The following SLC35F1 variants were observed in gnomAD, a reference collection of about 807,000 sequenced individuals.
The protein encoded by SLC35F1 is solute carrier family 35 member F1.
SLC35F1 carries 14 observed loss-of-function variants against 48.7 expected under a neutral mutation model. That is an observed-to-expected ratio of 0.29 (90% CI 0.19 to 0.45). SLC35F1 has a LOEUF of 0.45. Among genes scored for constraint, SLC35F1 ranks in the 20% least tolerant of loss-of-function variants. SLC35F1 has a pLI of 1.00. For synonymous variants in SLC35F1, 190 were observed against 202.2 expected (o/e 0.94, Z 0.51); for missense variants, 404 against 500.0 (o/e 0.81, Z 1.83).
chr6:117,966,731 C>A (rs1776575948), intron 1 of SLC35F1, among the ~76,000 whole-genome samples: 1 of 152,184 alleles, frequency 6.6e-6, no homozygotes, highest in African/African-American at 2.4e-5. Flanking sequence ...ATGGTCTTGT[C>A]TCTGTTTCCT....
At chr6:118,162,679 C>G (rs1774254692) in intron 2 of SLC35F1, among the ~76,000 whole-genome samples, 1 of 152,178 alleles carries the variant, frequency 6.6e-6, no homozygotes, top group Non-Finnish European at 1.5e-5. Context: ...TTAGGACATG[C>G]TGGTAAAACT....
At chr6:118,194,673 T>C (rs1774776849) in intron 2 of SLC35F1, among the ~76,000 whole-genome samples, 1 of 152,194 alleles carries the variant, frequency 6.6e-6, no homozygotes, top group Non-Finnish European at 1.5e-5. Flanking sequence ...GAATCCTTTT[T>C]CACATTAATC....
chr6:117,943,848 GT>G (rs1776262614), intron 1 of SLC35F1, among the ~76,000 whole-genome samples: 1 of 152,102 alleles, frequency 6.6e-6, no homozygotes, highest in Non-Finnish European at 1.5e-5. Context: ...GGCTTTAGTT[GT>G]TTTTCTTTTG....
chr6:118,108,829 A>G (rs1226542894), intron 1 of SLC35F1, among the ~76,000 whole-genome samples: 2 of 152,178 alleles, frequency 1.3e-5, no homozygotes, highest in Admixed American at 1.3e-4. Flanking sequence ...TGTTACAGTG[A>G]CATTTTATGG....
At chr6:118,048,778 G>T (rs1772338953) in intron 1 of SLC35F1, among the ~76,000 whole-genome samples, 1 of 152,148 alleles carries the variant, frequency 6.6e-6, no homozygotes, top group African/African-American at 2.4e-5. Flanking sequence ...CGTGAAAATG[G>T]CCATACTGCC....
chr6:118,159,220 C>CA (rs60060945), intron 2 of SLC35F1, among the ~76,000 whole-genome samples: 18,383 of 43,918 alleles, frequency 0.42, 6,234 homozygotes, highest in East Asian at 0.75. Context: ...GACTCTGTCT[C>CA]AAAAAAAAAA....
chr6:117,910,527 A>G (rs1034782289), intron 1 of SLC35F1, among the ~76,000 whole-genome samples: 21 of 152,220 alleles, frequency 1.4e-4, no homozygotes, highest in African/African-American at 4.8e-4. Flanking sequence ...GCATGCAGCA[A>G]CTTAGCTCCT....
chr6:118,049,808 G>C (rs553171932), intron 1 of SLC35F1, among the ~76,000 whole-genome samples: 1 of 151,774 alleles, frequency 6.6e-6, no homozygotes, highest in African/African-American at 2.4e-5. Context: ...TCAGTGTGGC[G>C]ATTCCTCAGG....
Position 117,939,069 on chromosome 6 carries a change from G to A in SLC35F1, c.173+31170G>A, listed in dbSNP as rs147708231. 1.8e-3 allele frequency among the ~76,000 whole-genome samples: 266 copies of A among 148,138 alleles called. 1 individual carries two copies. The highest frequency in any genetic ancestry group is 6.2e-3 in the African/African-American group (251 of 40,352). Reference sequence around the variant, plus strand: ...TATGTCACCCAGGCTGGCATGCAGTGGCGTGATCATGGCTCAAAATCTTGA... The same window carrying A: ...TATGTCACCCAGGCTGGCATGCAGTAGCGTGATCATGGCTCAAAATCTTGA... On this transcript the variant is annotated intron_variant, in intron 1 of 7. Transcript: ENST00000360388.
At chr6:117,908,554 C>G (rs1283705087) in intron 1 of SLC35F1, among the ~76,000 whole-genome samples, 1 of 152,220 alleles carries the variant, frequency 6.6e-6, no homozygotes, top group African/African-American at 2.4e-5. Flanking sequence ...CCGGCGGCGC[C>G]CAGTTATTCC....
chr6:117,916,703 T>A (rs1775830480), intron 1 of SLC35F1, among the ~76,000 whole-genome samples: 1 of 152,104 alleles, frequency 6.6e-6, no homozygotes, highest in African/African-American at 2.4e-5. Context: ...GGGCAGTAAG[T>A]GGGGAGTAAG....
intron 7 of SLC35F1, among the ~76,000 whole-genome samples, chr6:118,302,495 T>A (rs1776265282): frequency 6.6e-6 from 1 of 152,172 alleles, no homozygotes; most frequent in African/African-American, 2.4e-5. Flanking sequence ...GTTACAGGTC[T>A]TTTTACAGCT....
chr6:117,908,069 C>G (rs1775716584), intron 1 of SLC35F1, among the ~76,000 whole-genome samples, 170 bp downstream of exon 1: 1 of 152,216 alleles, frequency 6.6e-6, no homozygotes, highest in Non-Finnish European at 1.5e-5. Context: ...GAGGCCGCGG[C>G]AGCTTTGTCC....
At chr6:117,932,407 G>A (rs541737958) in intron 1 of SLC35F1, among the ~76,000 whole-genome samples, 2 of 152,278 alleles carry the variant, frequency 1.3e-5, no homozygotes, top group East Asian at 3.9e-4. Context: ...AAGTAGTAGA[G>A]CTGAGAGTTG....
chr6:118,245,872 A>G (rs115443926), intron 3 of SLC35F1, among the ~76,000 whole-genome samples: 170 of 152,202 alleles, frequency 1.1e-3, no homozygotes, highest in African/African-American at 4.0e-3. Flanking sequence ...CAAACTATCT[A>G]GCATTCTCTC....
chr6:118,054,913 A>T (rs1242478567), intron 1 of SLC35F1, among the ~76,000 whole-genome samples: 1 of 152,050 alleles, frequency 6.6e-6, no homozygotes, highest in Non-Finnish European at 1.5e-5. Context: ...AGTAGCTAGG[A>T]TTACAGGCAT....
At chr6:118,128,454 A>T (rs1773661455) in intron 1 of SLC35F1, among the ~76,000 whole-genome samples, 1 of 151,290 alleles carries the variant, frequency 6.6e-6, no homozygotes, top group African/African-American at 2.4e-5. Flanking sequence ...AATGTGACAC[A>T]TATACACCAT....
chr6:118,159,615 G>A (rs922019031), intron 2 of SLC35F1, among the ~76,000 whole-genome samples: 1 of 152,140 alleles, frequency 6.6e-6, no homozygotes, highest in Non-Finnish European at 1.5e-5. Context: ...AGGAAGCAGA[G>A]GAACAAAATG....
intron 3 of SLC35F1, among the ~76,000 whole-genome samples, chr6:118,265,197 A>C (rs2114618293): frequency 6.6e-6 from 1 of 152,368 alleles, no homozygotes; most frequent in Non-Finnish European, 1.5e-5. Context: ...TGCTATTTGC[A>C]GTGCCAAGAA....
Sources: allele counts gnomAD v4.1 joint callset (sites outside exome capture counted in the v4.1 genomes callset), GRCh38; gene constraint gnomAD v4.1.1; transcripts MANE v1.5; gene names NCBI Gene and HGNC (gene_info 2026-07-23, HGNC 2026-07-21).